Variants in LELP1 observed in about 807,000 individuals in gnomAD.
The protein encoded by LELP1 is late cornified envelope-like proline-rich protein 1.
LELP1 carries 1 observed loss-of-function variant against 0.3 expected under a neutral mutation model. The ratio of observed to expected loss-of-function variants is 2.87; its 90% CI spans 1.02 to 13.63. The LOEUF (loss-of-function observed/expected upper bound fraction) is 13.63, where lower values mean the gene tolerates loss of function less well. Among genes scored for constraint, LELP1 ranks in the 30% most tolerant of loss-of-function variants. The pLI, the probability that LELP1 is intolerant of heterozygous loss-of-function variation, is 0.12. For synonymous variants in LELP1, 57 were observed against 45.9 expected (o/e 1.24, Z -0.97); for missense variants, 122 against 118.7 (o/e 1.03, Z -0.13).
chr1:153,204,612 T>C, intron 1 of LELP1, 75 bp from the exon 2 acceptor site: 1 of 1,083,036 alleles, frequency 9.2e-7, no homozygotes, highest in Non-Finnish European at 1.4e-6. Context: ...AAGACTTTCT[T>C]AAGTACAAGG....
At chr1:153,204,631 T>C (rs1222789458) in intron 1 of LELP1, 56 bp from the exon 2 acceptor site, 2 of 1,268,608 alleles carry the variant, frequency 1.6e-6, no homozygotes, top group Non-Finnish European at 2.3e-6. Context: ...GGATAAGCTG[T>C]AAGAAGCCTG....
intron 1 of LELP1, among the ~76,000 whole-genome samples, chr1:153,204,282 A>C (rs1336471145): frequency 6.6e-6 from 1 of 152,158 alleles, no homozygotes; most frequent in Non-Finnish European, 1.5e-5. Flanking sequence ...CGAAACTTCT[A>C]TTGTGCCATG....
rs1470311566 is a variant in LELP1, at chr1:153,204,860, G to C, written c.153G>C (p.Lys51Asn). ...GTTTCGAAAAGTGCCCATGGGAAAA[G>C]TGTCCAGCACCACCCAAGTGCCTGC... ...QRCFEKCPWEKCPAPPKCLPC... is the reference protein window; with the variant it reads ...QRCFEKCPWENCPAPPKCLPC... Residue 51 changes from lysine to asparagine, a missense_variant, in exon 2 of 2, where the codon AAG becomes AAC. Lys to Asn is a moderately conservative substitution (Grantham distance 94, BLOSUM62 0). Coordinates refer to ENST00000368747, the MANE Select transcript of LELP1 (RefSeq NM_001010857.3). 1 of 1,614,170 alleles carries C rather than the reference G, an allele frequency of 6.2e-7. No individual in the cohort carries two copies. Among genetic ancestry groups the C allele is most frequent in the East Asian group, 2.2e-5 (1 of 44,886 alleles).
In LELP1 at chr1:153,204,831, C is replaced by T. The variant is rs573106359; in HGVS notation, c.124C>T (p.Arg42Cys). The change falls in exon 2 of 2, where the codon CGC (arginine) becomes TGC (cysteine). Residue 42 changes from arginine (R) to cysteine (C), a missense_variant. By Grantham distance (180) the Arg-to-Cys change is radical. Coordinates refer to ENST00000368747, the MANE Select transcript of LELP1 (RefSeq NM_001010857.3). Reference sequence around the variant, plus strand: ...CAGCTGTTTAAAGAAGCTGCTGCAACGCTGTTTCGAAAAGTGCCCATGGGA... The same window carrying T: ...CAGCTGTTTAAAGAAGCTGCTGCAATGCTGTTTCGAAAAGTGCCCATGGGA... ...QPSCLKKLLQ[R>C]CFEKCPWEKC... 6.3e-5 allele frequency: 101 copies of T among 1,614,198 alleles called. 1 individual carries two copies. The highest frequency in any genetic ancestry group is 5.2e-4 in the South Asian group (47 of 91,086).
chr1:153,203,599 G>A (rs1657695978), intron 1 of LELP1, 68 bp downstream of exon 1: 2 of 152,072 alleles, frequency 1.3e-5, no homozygotes, highest in Non-Finnish European at 2.9e-5. Context: ...GTGACCTGAA[G>A]TACCCCACGC....
At position 153,204,850 on chromosome 1, in the gene LELP1, C is replaced by T; in HGVS notation, c.143C>T (p.Pro48Leu). 1 of 1,614,020 alleles carries T rather than the reference C, an allele frequency of 6.2e-7. No homozygotes were observed. Among genetic ancestry groups the T allele is most frequent in the Non-Finnish European group, 8.5e-7 (1 of 1,180,030 alleles). ...KLLQRCFEKCPWEKCPAPPKC... is the reference protein window; with the variant it reads ...KLLQRCFEKCLWEKCPAPPKC... ...CTGCAACGCTGTTTCGAAAAGTGCC[C>T]ATGGGAAAAGTGTCCAGCACCACCC... Residue 48 changes from proline (P) to leucine (L), a missense_variant, in exon 2 of 2, where the codon CCA becomes CTA. By Grantham distance (98) the Pro-to-Leu change is moderately conservative (BLOSUM62 -3). Transcript: ENST00000368747.
Position 153,205,052 on chromosome 1 carries a change from T to C in LELP1, c.*48T>C, listed in dbSNP as rs77565534. 1.6e-3 allele frequency: 2,239 copies of C among 1,395,042 alleles called. 37 individuals carry two copies. In the African/African-American group the frequency reaches 0.029, roughly 18 times the overall value. The allele number at this position is 1,395,042 out of a possible 1,614,324, so 86.4% of individuals were successfully genotyped here. On this transcript the variant is annotated 3_prime_UTR_variant, in exon 2 of 2. Coordinates refer to ENST00000368747, the MANE Select transcript of LELP1 (RefSeq NM_001010857.3). ...CCCACCACCACTGCCACCTCCACCA[T>C]GTACAACGCTGTGGGGCTGGAGACT...
Position 153,204,960 on chromosome 1 carries a change from T to C in LELP1, c.253T>C (p.Ser85Pro), listed in dbSNP as rs969934817. The change falls in exon 2 of 2, where the codon TCC becomes CCC. Residue 85 changes from serine to proline, a missense_variant. Transcript: ENST00000368747. ...TKPCPPKCPS[S>P]CPHACPPPCP... ...GCCCTGTCCTCCTAAATGCCCTTCA[T>C]CCTGCCCACATGCTTGCCCACCTCC... The C allele has an allele frequency of 1.2e-6, 2 of 1,613,940 alleles. No individual in the cohort carries two copies. The highest frequency in any genetic ancestry group is 1.7e-6 in the Non-Finnish European group (2 of 1,179,950).
chr1:153,204,256 A>C (rs549894688), intron 1 of LELP1, among the ~76,000 whole-genome samples: 1 of 152,360 alleles, frequency 6.6e-6, no homozygotes, highest in South Asian at 2.1e-4. Context: ...AGGAACAGGA[A>C]GTGGCCTTAG....
At chr1:153,203,646 G>T (rs985397607) in intron 1 of LELP1, 115 bp downstream of exon 1, 1 of 152,136 alleles carries the variant, frequency 6.6e-6, no homozygotes, top group Non-Finnish European at 1.5e-5. Context: ...TTGAATGAAA[G>T]TTTCCTGTTA....
At chr1:153,204,282 A>G (rs1336471145) in intron 1 of LELP1, among the ~76,000 whole-genome samples, 1 of 152,158 alleles carries the variant, frequency 6.6e-6, no homozygotes, top group Non-Finnish European at 1.5e-5. Flanking sequence ...CGAAACTTCT[A>G]TTGTGCCATG....
At chr1:153,204,583 G>A in intron 1 of LELP1, 104 bp from the exon 2 acceptor site, 1 of 800,048 alleles carries the variant, frequency 1.2e-6, no homozygotes, top group Non-Finnish European at 2.1e-6. Context: ...ATGATCTAGA[G>A]CCTGAATGCA....
At chr1:153,204,641 G>A in intron 1 of LELP1, 46 bp from the exon 2 acceptor site, 1 of 1,366,512 alleles carries the variant, frequency 7.3e-7, no homozygotes, top group Non-Finnish European at 1.0e-6. Flanking sequence ...TAAGAAGCCT[G>A]TAGGTATCCT....
intron 1 of LELP1, 125 bp from the exon 2 acceptor site, chr1:153,204,562 T>C: frequency 2.8e-6 from 2 of 721,490 alleles, no homozygotes; most frequent in South Asian, 3.4e-5. Flanking sequence ...AGGGCGGCCC[T>C]AAATGAGAAG....
chr1:153,204,677 T>A lies in LELP1; in HGVS notation c.-21-10T>A. 1.2e-6 allele frequency: 2 copies of A among 1,601,408 alleles called. No individual in the cohort carries two copies. The highest frequency in any genetic ancestry group is 1.7e-6 in the Non-Finnish European group (2 of 1,169,126). On this transcript the variant is annotated splice_polypyrimidine_tract_variant and intron_variant, in intron 1 of 1. Coordinates refer to ENST00000368747, the MANE Select transcript of LELP1 (RefSeq NM_001010857.3). ...CTCCCACCTACAATGCATCTCATAT[T>A]TCTTTGCAGGGCTCAGATAATCAAG...
intron 1 of LELP1, 65 bp from the exon 2 acceptor site, chr1:153,204,622 G>T (rs1263270034): frequency 8.5e-7 from 1 of 1,177,820 alleles, no homozygotes; most frequent in East Asian, 2.3e-5. Context: ...TAAGTACAAG[G>T]ATAAGCTGTA....
At position 153,204,783 on chromosome 1, in the gene LELP1, A is replaced by C; in HGVS notation, c.76A>C (p.Lys26Gln). 6.2e-7 allele frequency: 1 copy of C among 1,614,142 alleles called. No homozygotes were observed. The highest frequency in any genetic ancestry group is 8.5e-7 in the Non-Finnish European group (1 of 1,179,976). Residue 26 changes from lysine to glutamine, a missense_variant, in exon 2 of 2, where the codon AAG (lysine) becomes CAG (glutamine). By Grantham distance (53) the Lys-to-Gln change is moderately conservative. Transcript: ENST00000368747. ...GAACTGCGATCCCAAGTGTGAACAA[A>C]AGTGTGAGTCCAAATGCCAGCCCAG... The part of the protein sequence containing the change: ...PKNCDPKCEQ[K>Q]CESKCQPSCL...
rs751283327 is a variant in LELP1, at chr1:153,204,861, T to C, written c.154T>C (p.Cys52Arg). 1 of 1,614,018 alleles carries C rather than the reference T, an allele frequency of 6.2e-7. No homozygotes were observed. The highest frequency in any genetic ancestry group is 8.5e-7 in the Non-Finnish European group (1 of 1,180,016). ...TTTCGAAAAGTGCCCATGGGAAAAG[T>C]GTCCAGCACCACCCAAGTGCCTGCC... ...RCFEKCPWEK[C>R]PAPPKCLPCP... The change falls in exon 2 of 2, where the codon TGT (cysteine) becomes CGT (arginine). Residue 52 changes from cysteine (C) to arginine (R), a missense_variant. Physicochemically the swap from Cys to Arg is radical, Grantham distance 180 (BLOSUM62 -3). Coordinates refer to ENST00000368747, the MANE Select transcript of LELP1 (RefSeq NM_001010857.3).
rs1375614253 is a variant in LELP1, at chr1:153,204,943, C to T, written c.236C>T (p.Pro79Leu). ...CCCCAGCCCTGCACCAAGCCCTGTC[C>T]TCCTAAATGCCCTTCATCCTGCCCA... is the stretch of plus-strand genomic sequence containing the variant. ...CPPQPCTKPC[P>L]PKCPSSCPHA... The change falls in exon 2 of 2, where the codon CCT becomes CTT. Residue 79 changes from proline (P) to leucine (L), a missense_variant. By Grantham distance (98) the Pro-to-Leu change is moderately conservative. Coordinates refer to ENST00000368747, the MANE Select transcript of LELP1 (RefSeq NM_001010857.3). 3.1e-6 allele frequency: 5 copies of T among 1,614,094 alleles called. No homozygotes were observed. The Middle Eastern group carries it at 5.0e-4, about 160-fold the overall frequency.
Sources: allele counts gnomAD v4.1 joint callset (sites outside exome capture counted in the v4.1 genomes callset), GRCh38; gene constraint gnomAD v4.1.1; transcripts MANE v1.5; gene names NCBI Gene and HGNC (gene_info 2026-07-23, HGNC 2026-07-21).